The following FER variants were observed in gnomAD, a reference collection of about 807,000 sequenced individuals.
FER encodes FER tyrosine kinase, also known as tyrosine-protein kinase Fer.
FER carries 63 observed loss-of-function variants against 111.0 expected under a neutral mutation model. The observed-to-expected ratio is 0.57, with a 90% CI of 0.46 to 0.70. FER has a LOEUF of 0.70. Among genes scored for constraint, FER ranks in the 30% least tolerant of loss-of-function variants. The pLI is 0.00. For synonymous variants in FER, 327 were observed against 313.9 expected (o/e 1.04, Z -0.44); for missense variants, 914 against 954.0 (o/e 0.96, Z 0.55).
At chr5:109,186,436 G>A (rs1279926131) in intron 19 of FER, 114 bp downstream of exon 19, 1 of 1,486,736 alleles carries the variant, frequency 6.7e-7, no homozygotes, top group African/African-American at 1.4e-5. Flanking sequence ...TGTGTTATGA[G>A]ACCATCTCTG....
chr5:109,027,356 T>G (rs1006176072), intron 13 of FER, among the ~76,000 whole-genome samples: 1 of 152,118 alleles, frequency 6.6e-6, no homozygotes. Flanking sequence ...ATGAAAATGT[T>G]GAATTAAAAA....
intron 13 of FER, among the ~76,000 whole-genome samples, chr5:108,978,428 C>T (rs1761644972): frequency 6.6e-6 from 1 of 152,176 alleles, no homozygotes; most frequent in African/African-American, 2.4e-5. Flanking sequence ...CTTTGTAACG[C>T]TGCGCTCTTT....
intron 16 of FER, among the ~76,000 whole-genome samples, chr5:109,074,958 A>T (rs1051186072): frequency 6.6e-6 from 1 of 152,254 alleles, no homozygotes; most frequent in African/African-American, 2.4e-5. Flanking sequence ...TGACATGTTC[A>T]TAGTATTCTG....
chr5:108,752,112 G>A (rs544801515), intron 1 of FER, among the ~76,000 whole-genome samples: 200 of 152,176 alleles, frequency 1.3e-3, no homozygotes, highest in African/African-American at 4.3e-3. Flanking sequence ...TTGAGAGACT[G>A]AAGGAAACAA....
At chr5:109,110,066 T>C (rs758618500) in intron 17 of FER, among the ~76,000 whole-genome samples, 3 of 152,036 alleles carry the variant, frequency 2.0e-5, no homozygotes, top group Non-Finnish European at 2.9e-5. Context: ...TCCACTCATA[T>C]CTCCATAGTC....
In FER at chr5:109,191,496, G is replaced by C. The variant is rs1363264376; in HGVS notation, c.*3921G>C. 6.6e-6 allele frequency: 1 copy of C among 152,034 alleles called. No individual in the cohort carries two copies. The highest frequency in any genetic ancestry group is 1.5e-5 in the Non-Finnish European group (1 of 68,000). 9.4% of individuals were successfully genotyped at this position (152,034 alleles called of 1,614,324 possible). On this transcript the variant is annotated 3_prime_UTR_variant, in exon 20 of 20. Transcript: ENST00000281092. ...ATCGCAAGACTTGCTTTTGCATTTA[G>C]GAAGCCACACCCTCCCACAAAACAG... is the stretch of plus-strand genomic sequence containing the variant.
intron 2 of FER, among the ~76,000 whole-genome samples, chr5:108,779,697 T>C (rs1197916250): frequency 2.0e-5 from 3 of 152,184 alleles, no homozygotes; most frequent in African/African-American, 7.2e-5. Flanking sequence ...GGTCAATTCT[T>C]TCAGATTTTC....
Position 108,800,426 on chromosome 5 carries a change from T to C in FER, c.207+2037T>C, listed in dbSNP as rs528846149. On this transcript the variant is annotated intron_variant, in intron 3 of 19. Transcript: ENST00000281092. ...AGTGCAGTGGTACAGTCATGGCTCATTGCAGCCTTGACCACCCAGGCTCAA... is the reference window on the plus strand; with the variant it reads ...AGTGCAGTGGTACAGTCATGGCTCACTGCAGCCTTGACCACCCAGGCTCAA... Among the ~76,000 whole-genome samples, 506 of 152,186 alleles carry C rather than the reference T, an allele frequency of 3.3e-3. 3 individuals are homozygous for C. The highest frequency in any genetic ancestry group is 0.012 in the African/African-American group (480 of 41,528).
chr5:108,961,687 A>G (rs1193351847), intron 13 of FER, among the ~76,000 whole-genome samples: 1 of 152,176 alleles, frequency 6.6e-6, no homozygotes, highest in East Asian at 1.9e-4. Flanking sequence ...ACTGATTTAA[A>G]GGTTCATGTT....
intron 2 of FER, among the ~76,000 whole-genome samples, chr5:108,795,022 G>A (rs1342070768): frequency 6.6e-6 from 1 of 152,124 alleles, no homozygotes; most frequent in Admixed American, 6.6e-5. Context: ...ATTACTCTTA[G>A]ATTCCCTTTT....
At position 109,125,995 on chromosome 5, in the gene FER, A is replaced by G. The variant is rs185793165; in HGVS notation, c.2048+25476A>G. 1.3e-3 allele frequency among the ~76,000 whole-genome samples: 195 copies of G among 151,816 alleles called. 2 individuals are homozygous for G. The highest frequency in any genetic ancestry group is 4.2e-3 in the African/African-American group (174 of 41,378). On this transcript the variant is annotated intron_variant, in intron 17 of 19. Transcript: ENST00000281092. ...TTCATTTCTTAGTGCTCAGAACTTC[A>G]TATCTATAGCTGTTTTTTTTTTCCT...
chr5:109,098,322 A>C lies in FER; in HGVS notation c.1925-2074A>C, dbSNP rs983648373. Reference sequence around the variant, plus strand: ...TAACAAATGTGTGTTGGGAGTACAAAGTATTATATCAAGAAGTAAATTTTT... The same window carrying C: ...TAACAAATGTGTGTTGGGAGTACAACGTATTATATCAAGAAGTAAATTTTT... On this transcript the variant is annotated intron_variant, in intron 16 of 19. Coordinates refer to ENST00000281092, the MANE Select transcript of FER (RefSeq NM_005246.4). Among the ~76,000 whole-genome samples, 19 of 151,916 alleles carry C rather than the reference A, an allele frequency of 1.3e-4. No homozygotes were observed. The South Asian group carries it at 2.7e-3, about 22-fold the overall frequency.
At chr5:109,165,148 TAGTA>T (rs1756398777) in intron 17 of FER, among the ~76,000 whole-genome samples, 1 of 152,160 alleles carries the variant, frequency 6.6e-6, no homozygotes, top group South Asian at 2.1e-4. Context: ...GCCTGGCAAA[TAGTA>T]AGTGCTACAT....
At chr5:109,006,482 T>G (rs905378085) in intron 13 of FER, among the ~76,000 whole-genome samples, 1 of 152,192 alleles carries the variant, frequency 6.6e-6, no homozygotes, top group African/African-American at 2.4e-5. Flanking sequence ...CCTCCCCAGC[T>G]ATGTGGAACT....
chr5:108,898,571 C>T (rs1749512928), intron 10 of FER, among the ~76,000 whole-genome samples: 1 of 129,082 alleles, frequency 7.7e-6, no homozygotes, highest in Non-Finnish European at 1.7e-5. Flanking sequence ...CTTCCCTTCC[C>T]TCCCTTCCCC....
At chr5:108,845,321 G>A (rs1761924524) in intron 5 of FER, among the ~76,000 whole-genome samples, 1 of 150,914 alleles carries the variant, frequency 6.6e-6, no homozygotes. Context: ...ACAGGTGCCT[G>A]CCACCACTCC....
intron 16 of FER, among the ~76,000 whole-genome samples, chr5:109,056,318 C>T (rs544681691): frequency 6.6e-6 from 1 of 152,204 alleles, no homozygotes; most frequent in African/African-American, 2.4e-5. Flanking sequence ...CGGAAAAAAA[C>T]TAAATGTTTG....
chr5:108,884,324 A>G (rs1443658456), intron 9 of FER, among the ~76,000 whole-genome samples: 1 of 151,938 alleles, frequency 6.6e-6, no homozygotes, highest in African/African-American at 2.4e-5. Flanking sequence ...CAGATCTCTG[A>G]TTACTTATCT....
intron 15 of FER, among the ~76,000 whole-genome samples, chr5:109,045,184 G>T (rs76908825): frequency 3.3e-5 from 5 of 151,758 alleles, no homozygotes; most frequent in Middle Eastern, 3.4e-3. Context: ...AGTACTGCTT[G>T]CTTCTGTTTT....
Sources: gnomAD v4.1 joint callset for allele counts (sites outside exome capture counted in the v4.1 genomes callset) on GRCh38, gnomAD v4.1.1 for gene constraint, MANE v1.5 for transcripts, NCBI Gene and HGNC (gene_info 2026-07-23, HGNC 2026-07-21) for gene names.